Variants in HS3ST2 observed in about 807,000 individuals in gnomAD.
HS3ST2 encodes heparan sulfate glucosamine 3-O-sulfotransferase 2.
In HS3ST2, 17 loss-of-function variants were observed where a neutral mutation model predicts 26.3. That is an observed-to-expected ratio of 0.65 (90% CI 0.44 to 0.97). HS3ST2 has a LOEUF of 0.97. HS3ST2 is among the 50% of genes least tolerant of loss of function. The pLI is 0.00. For missense variants in HS3ST2, 402 were observed against 501.2 expected (o/e 0.80, Z 1.89); for synonymous variants, 237 against 219.2 (o/e 1.08, Z -0.72).
At chr16:22,865,049 C>CAA (rs59256411) in intron 1 of HS3ST2, among the ~76,000 whole-genome samples, 65 of 49,012 alleles carry the variant, frequency 1.3e-3, no homozygotes, top group Non-Finnish European at 2.3e-3. Context: ...GACCCTATCT[C>CAA]AAAAAAAAAA....
At chr16:22,834,901 C>T (rs927860433) in intron 1 of HS3ST2, among the ~76,000 whole-genome samples, 6 of 152,142 alleles carry the variant, frequency 3.9e-5, no homozygotes, top group Non-Finnish European at 8.8e-5. Flanking sequence ...ATTTATTAGC[C>T]ATTTGCATTC....
rs148907120 is a variant in HS3ST2 at position 22,869,990 on chromosome 16, T to C, written c.486-44954T>C. Among the ~76,000 whole-genome samples the C allele has an allele frequency of 4.5e-3, 679 of 152,216 alleles. 4 individuals carry two copies. The highest frequency in any genetic ancestry group is 0.016 in the African/African-American group (657 of 41,504). On this transcript the variant is annotated intron_variant, in intron 1 of 1. Coordinates refer to ENST00000261374, the MANE Select transcript of HS3ST2 (RefSeq NM_006043.2). Reference sequence around the variant, plus strand: ...ATTGAACACTTACTATGAAGTGTTATGCAAACATAGTCTTAAATTCTCACA... The same window carrying C: ...ATTGAACACTTACTATGAAGTGTTACGCAAACATAGTCTTAAATTCTCACA...
At chr16:22,840,989 A>G (rs1901346121) in intron 1 of HS3ST2, among the ~76,000 whole-genome samples, 1 of 101,276 alleles carries the variant, frequency 9.9e-6, no homozygotes, top group Non-Finnish European at 1.9e-5. Context: ...AACAGGCCCC[A>G]GTGTGTGATG....
chr16:22,818,147 C>T (rs531480052), intron 1 of HS3ST2, among the ~76,000 whole-genome samples: 1 of 152,198 alleles, frequency 6.6e-6, no homozygotes, highest in South Asian at 2.1e-4. Context: ...GGTTCTCCCC[C>T]ACCCACATTT....
In HS3ST2 at chr16:22,822,348, G is replaced by T. The variant is rs556606072; in HGVS notation, c.485+7253G>T. Among the ~76,000 whole-genome samples the T allele has an allele frequency of 3.0e-3, 452 of 152,096 alleles. 2 individuals carry two copies. Among genetic ancestry groups the T allele is most frequent in the African/African-American group, 0.01 (428 of 41,500 alleles). The stretch of plus-strand genomic sequence containing the variant: ...ACCTGGTTAATTTTTAAAATCCTTT[G>T]TTAGAGCCAGGGTCTTGTTTTGTTG... On this transcript the variant is annotated intron_variant, in intron 1 of 1. Transcript: ENST00000261374.
chr16:22,891,914 A>C (rs1902135185), intron 1 of HS3ST2, among the ~76,000 whole-genome samples: 1 of 152,174 alleles, frequency 6.6e-6, no homozygotes, highest in Non-Finnish European at 1.5e-5. Context: ...GGAGTAAAGC[A>C]GTGAAGGGTT....
chr16:22,824,711 C>A (rs1901057541), intron 1 of HS3ST2, among the ~76,000 whole-genome samples: 1 of 152,190 alleles, frequency 6.6e-6, no homozygotes, highest in African/African-American at 2.4e-5. Flanking sequence ...AAAGAAGACC[C>A]ACTGCAGAAA....
chr16:22,860,390 T>A (rs1383114058), intron 1 of HS3ST2, among the ~76,000 whole-genome samples: 1 of 152,030 alleles, frequency 6.6e-6, no homozygotes, highest in Non-Finnish European at 1.5e-5. Flanking sequence ...TCCCACTGGG[T>A]CCCTCCCATG....
chr16:22,818,372 T>C (rs1900906730), intron 1 of HS3ST2, among the ~76,000 whole-genome samples: 1 of 152,138 alleles, frequency 6.6e-6, no homozygotes, highest in African/African-American at 2.4e-5. Flanking sequence ...CCTAGAAACG[T>C]GTTGTGAAGA....
At chr16:22,866,670 A>G (rs903748409) in intron 1 of HS3ST2, among the ~76,000 whole-genome samples, 9 of 152,006 alleles carry the variant, frequency 5.9e-5, no homozygotes, top group African/African-American at 1.4e-4. Flanking sequence ...ACAAGGTGGC[A>G]TGCACCTGTG....
At chr16:22,833,204 C>T in intron 1 of HS3ST2, 1 of 455,962 alleles carries the variant, frequency 2.2e-6, no homozygotes, top group South Asian at 1.5e-5. Context: ...TTTGTATCCA[C>T]AAGGCACCCC....
chr16:22,849,627 A>G (rs1037778731), intron 1 of HS3ST2, among the ~76,000 whole-genome samples: 1 of 152,188 alleles, frequency 6.6e-6, no homozygotes, highest in East Asian at 1.9e-4. Flanking sequence ...TCATCTCAAC[A>G]TAGGCTTCTA....
intron 1 of HS3ST2, among the ~76,000 whole-genome samples, chr16:22,819,878 G>T (rs2141174057): frequency 6.6e-6 from 1 of 152,324 alleles, no homozygotes; most frequent in South Asian, 2.1e-4. Flanking sequence ...TTCTGGAAAT[G>T]CAAACCTTAG....
At chr16:22,845,455 A>G (rs796070093) in intron 1 of HS3ST2, among the ~76,000 whole-genome samples, 1 of 132,262 alleles carries the variant, frequency 7.6e-6, no homozygotes, top group Non-Finnish European at 1.5e-5. Flanking sequence ...GGGTTCAAGC[A>G]ATTCTCCTGC....
intron 1 of HS3ST2, among the ~76,000 whole-genome samples, chr16:22,819,013 C>T (rs866881560): frequency 2.9e-5 from 1 of 33,944 alleles, no homozygotes; most frequent in African/African-American, 1.7e-4. Flanking sequence ...CTCCCTCCCT[C>T]CCTCCCTTCC....
intron 1 of HS3ST2, among the ~76,000 whole-genome samples, chr16:22,887,623 G>A (rs188948812): frequency 4.3e-4 from 65 of 152,236 alleles, no homozygotes; most frequent in African/African-American, 1.2e-3. Context: ...TAGCAGACAC[G>A]ATTGGTGCTT....
At chr16:22,902,591 G>A (rs1902294341) in intron 1 of HS3ST2, among the ~76,000 whole-genome samples, 1 of 152,182 alleles carries the variant, frequency 6.6e-6, no homozygotes, top group Admixed American at 6.5e-5. Flanking sequence ...TAAAGGGTAT[G>A]TGCATTTTAC....
intron 1 of HS3ST2, among the ~76,000 whole-genome samples, chr16:22,869,776 G>A (rs556610323): frequency 6.6e-6 from 1 of 152,134 alleles, no homozygotes; most frequent in Non-Finnish European, 1.5e-5. Flanking sequence ...TGAGATTTGG[G>A]TGGGGACACA....
chr16:22,858,514 T>A (rs901925424), intron 1 of HS3ST2, among the ~76,000 whole-genome samples: 1 of 152,076 alleles, frequency 6.6e-6, no homozygotes, highest in Non-Finnish European at 1.5e-5. Context: ...CACTATATTA[T>A]TACAAATATA....
Sources: allele counts gnomAD v4.1 joint callset (sites outside exome capture counted in the v4.1 genomes callset), GRCh38; gene constraint gnomAD v4.1.1; transcripts MANE v1.5; gene names NCBI Gene and HGNC (gene_info 2026-07-23, HGNC 2026-07-21).